Variants in SLC25A18 observed in about 807,000 individuals in gnomAD.
SLC25A18 encodes the protein solute carrier family 25 member 18.
In SLC25A18, 24 loss-of-function variants were observed where a neutral mutation model predicts 31.1. The ratio of observed to expected loss-of-function variants is 0.77; its 90% confidence interval spans 0.56 to 1.08. The LOEUF (loss-of-function observed/expected upper bound fraction) is 1.08, where lower values mean the gene tolerates loss of function less well. SLC25A18 is among the 50% of genes least tolerant of loss of function. SLC25A18 has a pLI of 0.00. For missense variants in SLC25A18, 371 were observed against 418.5 expected, an observed-to-expected ratio of 0.89 and a Z score of 0.99; for synonymous variants, 173 against 161.9, an observed-to-expected ratio of 1.07 and a Z score of -0.52.
intron 2 of SLC25A18, among the ~76,000 whole-genome samples, chr22:17,575,453 G>A (rs757033434): frequency 1.1e-4 from 16 of 152,130 alleles, no homozygotes; most frequent in Admixed American, 5.9e-4. Context: ...TCATCTCTGC[G>A]GGTCTGCTTT....
intron 1 of SLC25A18, among the ~76,000 whole-genome samples, chr22:17,564,372 G>T (rs174359): frequency 3.4e-4 from 52 of 152,116 alleles, no homozygotes; most frequent in Non-Finnish European, 5.0e-4. Flanking sequence ...CTGAAGAAGG[G>T]CCTAGCTCTC....
chr22:17,577,904 T>C (rs1374944679), intron 2 of SLC25A18, among the ~76,000 whole-genome samples: 4 of 151,734 alleles, frequency 2.6e-5, no homozygotes, highest in Non-Finnish European at 4.4e-5. Flanking sequence ...CTCGAACTCC[T>C]GACCTCAGGT....
chr22:17,579,925 G>C lies in SLC25A18; in HGVS notation c.-20G>C, dbSNP rs1209005945. The stretch of plus-strand genomic sequence containing the variant: ...AAGGAGCCAGCAGCCTTGTGTCCTG[G>C]GATCCCCAGCCCCTGCAGAATGACC... On this transcript the variant is annotated 5_prime_UTR_variant, in exon 3 of 11. Transcript: ENST00000327451. The C allele has an allele frequency of 6.2e-7, 1 of 1,608,168 alleles. No homozygotes were observed. The highest frequency in any genetic ancestry group is 1.1e-5 in the South Asian group (1 of 89,100).
rs142850465 is a variant in SLC25A18 at position 17,587,982 on chromosome 22, G to A, written c.633G>A (p.Gly211=). Residue 211 remains glycine (G), a synonymous_variant, in exon 9 of 11, where the codon GGG becomes GGA. Transcript: ENST00000327451. The part of the protein sequence containing the change: ...FPLFANLNNL[G]FNELAGKASF... ...TGTTTGCCAACCTTAACAACCTGGG[G>A]TTCAACGAGCTCGCCGGTAAGGCGT... is the stretch of plus-strand genomic sequence containing the variant. The A allele has an allele frequency of 2.3e-4, 374 of 1,614,182 alleles. No individual in the cohort carries two copies. The African/African-American group carries it at 4.5e-3, about 20-fold the overall frequency.
At position 17,577,448 on chromosome 22, in the gene SLC25A18, G is replaced by A. The variant is rs1275888883; in HGVS notation, c.-200-2297G>A. Among the ~76,000 whole-genome samples, 3 of 151,822 alleles carry A rather than the reference G, an allele frequency of 2.0e-5. 1 individual carries two copies. The highest frequency in any genetic ancestry group is 4.2e-4 in the South Asian group (2 of 4,812). On this transcript the variant is annotated intron_variant, in intron 2 of 10. Coordinates refer to ENST00000327451, the MANE Select transcript of SLC25A18 (RefSeq NM_031481.3). The stretch of plus-strand genomic sequence containing the variant: ...GCTGAGATTATAGGTGTGAGCCACC[G>A]CACCCGGCCCACAGTTTCTAAAGTA...
intron 1 of SLC25A18, among the ~76,000 whole-genome samples, chr22:17,567,552 C>G (rs909779966): frequency 6.6e-6 from 1 of 151,362 alleles, no homozygotes; most frequent in South Asian, 2.1e-4. Context: ...CTCCCAGATC[C>G]TTCGCCTGGC....
rs1479350020 is a variant in SLC25A18, at chr22:17,563,659, C to T, written c.-318C>T. On this transcript the variant is annotated 5_prime_UTR_variant, in exon 1 of 11. Transcript: ENST00000327451. ...GAGAAGAGTCGAGTGAAGCCTGGCC[C>T]GTGAGTGCCTCAACAACTGAGATGA... 10 of 985,318 alleles carry T rather than the reference C, an allele frequency of 1.0e-5. No homozygotes were observed. The highest frequency in any genetic ancestry group is 1.2e-5 in the Non-Finnish European group (10 of 829,896). 61.0% of individuals were successfully genotyped at this position (985,318 alleles called of 1,614,324 possible). A position where few individuals can be genotyped will look rare whatever the true frequency, so the allele number is the denominator to read the frequency against.
In SLC25A18 at chr22:17,590,193, A is replaced by G. The variant is rs1216278509; in HGVS notation, c.905A>G (p.Tyr302Cys). 6.2e-7 allele frequency: 1 copy of G among 1,614,074 alleles called. No individual in the cohort carries two copies. The highest frequency in any genetic ancestry group is 1.3e-5 in the African/African-American group (1 of 74,932). Reference protein sequence around the residue: ...APLFGIAQGVYFIGIGERILK... With the variant: ...APLFGIAQGVCFIGIGERILK... ...CTCTTTGGGATTGCTCAAGGGGTCT[A>G]TTTTATTGGGATTGGAGAGCGCATC... is the stretch of plus-strand genomic sequence containing the variant. Residue 302 changes from tyrosine to cysteine, a missense_variant, in exon 11 of 11, where the codon TAT becomes TGT. Tyr to Cys is a radical substitution (Grantham distance 194). Transcript: ENST00000327451.
chr22:17,584,422 AGAAG>A (rs1555951457), intron 7 of SLC25A18, among the ~76,000 whole-genome samples: 146 of 134,180 alleles, frequency 1.1e-3, no homozygotes, highest in Middle Eastern at 3.7e-3. Context: ...AAAGAAAGAA[AGAAG>A]GAAGGAAGGA....
chr22:17,576,593 CTA>C (rs1473944019), intron 2 of SLC25A18, among the ~76,000 whole-genome samples: 3 of 152,200 alleles, frequency 2.0e-5, no homozygotes, highest in African/African-American at 4.8e-5. Context: ...TTTCATGGTG[CTA>C]TGACTCCTTT....
At chr22:17,563,877 T>A (rs1377759297) in intron 1 of SLC25A18, among the ~76,000 whole-genome samples, 164 bp downstream of exon 1, 1 of 152,222 alleles carries the variant, frequency 6.6e-6, no homozygotes, top group African/African-American at 2.4e-5. Flanking sequence ...AGAAAGAGTG[T>A]ACTGCTTAGC....
In SLC25A18 at chr22:17,589,673, C is replaced by T; in HGVS notation, c.806+8C>T. 1 of 1,613,788 alleles carries T rather than the reference C, an allele frequency of 6.2e-7. No individual in the cohort carries two copies. On this transcript the variant is annotated splice_region_variant and intron_variant, in intron 10 of 10. Transcript: ENST00000327451. The stretch of plus-strand genomic sequence containing the variant: ...GATCACCGACTGTGCCAGGTGAGAG[C>T]CAGTGTCCCCTCAAATGGTGGCTGG...
intron 7 of SLC25A18, 74 bp from the exon 8 acceptor site, chr22:17,587,062 T>G: frequency 6.5e-7 from 1 of 1,538,516 alleles, no homozygotes; most frequent in Non-Finnish European, 8.8e-7. Flanking sequence ...GGGCAGGGAT[T>G]GAGAGCCACA....
At chr22:17,586,510 G>A (rs2057552709) in intron 7 of SLC25A18, among the ~76,000 whole-genome samples, 5 of 149,956 alleles carry the variant, frequency 3.3e-5, no homozygotes, top group African/African-American at 1.2e-4. Context: ...CAGGTATGGT[G>A]GCACATGCCT....
chr22:17,573,667 C>A (rs1024645501), intron 2 of SLC25A18, among the ~76,000 whole-genome samples: 1 of 152,138 alleles, frequency 6.6e-6, no homozygotes, highest in Admixed American at 6.6e-5. Context: ...TCCTTCCCTG[C>A]AGGCAGCTTC....
intron 1 of SLC25A18, among the ~76,000 whole-genome samples, chr22:17,565,318 T>C (rs1336197847): frequency 1.3e-5 from 2 of 152,006 alleles, no homozygotes; most frequent in Non-Finnish European, 2.9e-5. Flanking sequence ...CCTGACCTCG[T>C]GATCCACCCA....
intron 2 of SLC25A18, among the ~76,000 whole-genome samples, chr22:17,572,518 G>A (rs2057118573): frequency 6.6e-6 from 1 of 151,892 alleles, no homozygotes. Flanking sequence ...TTTCCACTGG[G>A]TGTGGTGTCT....
chr22:17,563,795 T>G, intron 1 of SLC25A18, 82 bp downstream of exon 1: 1 of 820,834 alleles, frequency 1.2e-6, no homozygotes, highest in Non-Finnish European at 1.5e-6. Flanking sequence ...AATAGCCTCA[T>G]CTGCTCAGAG....
rs139929656 is a variant in SLC25A18 at position 17,574,830 on chromosome 22, T to TTTA, written c.-201+4865_-201+4867dup. Among the ~76,000 whole-genome samples the TTTA allele has an allele frequency of 1.5e-3, 210 of 137,860 alleles. 2 individuals carry two copies. The South Asian group carries it at 0.017, about 11-fold the overall frequency. The allele number at this position is 137,860 out of a possible 152,430, so 90.4% of individuals were successfully genotyped here. On this transcript the variant is annotated intron_variant, in intron 2 of 10. Transcript: ENST00000327451. ...GCCACTGTGCCTGGCCAATGTTCCC[T>TTTA]TTATTATTATTATTATTATTATTTA...
Sources: allele counts gnomAD v4.1 joint callset (sites outside exome capture counted in the v4.1 genomes callset), GRCh38; gene constraint gnomAD v4.1.1; transcripts MANE v1.5; gene names NCBI Gene and HGNC (gene_info 2026-07-23, HGNC 2026-07-21).